Variants in DMBT1 observed in about 807,000 individuals in gnomAD.
DMBT1 encodes the protein scavenger receptor cysteine-rich domain-containing protein DMBT1.
In DMBT1, 198 loss-of-function variants were observed where a neutral mutation model predicts 252.9. That is an observed-to-expected ratio of 0.78 (90% CI 0.70 to 0.88). DMBT1 has a LOEUF of 0.88. Among genes scored for constraint, DMBT1 ranks in the 40% least tolerant of loss-of-function variants. DMBT1 has a pLI of 0.00. For missense variants in DMBT1, 2,432 were observed against 2,404.7 expected (o/e 1.01, Z -0.24); for synonymous variants, 990 against 942.7 (o/e 1.05, Z -0.92).
chr10:122,640,530 C>A lies in DMBT1; in HGVS notation c.7352+81C>A. On this transcript the variant is annotated intron_variant, in intron 55 of 55. Transcript: ENST00000338354. ...AGTAGCCCCAAAGGCTTGAAGAATG[C>A]AAATTTTGATGAACTGCAGTTCCCA... 2.8e-6 allele frequency: 4 copies of A among 1,434,664 alleles called. No homozygotes were observed. The East Asian group carries it at 7.1e-5, about 26-fold the overall frequency. The allele number at this position is 1,434,664 out of a possible 1,614,324, so 88.9% of individuals were successfully genotyped here. A position where few individuals can be genotyped will look rare whatever the true frequency, so the allele number is the denominator to read the frequency against.
rs774316449 is a variant in DMBT1 at position 122,618,147 on chromosome 10, G to C, written c.5022G>C (p.Val1674=). 3.1e-6 allele frequency: 5 copies of C among 1,613,850 alleles called. No homozygotes were observed. The African/African-American group carries it at 4.0e-5, about 13-fold the overall frequency. ...DDYWDTNDAN[V]VCRQLGCGWA... ...ACTGGGACACCAATGATGCCAACGT[G>C]GTCTGCAGGCAGCTGGGCTGTGGCT... Residue 1674 remains valine, a synonymous_variant, in exon 41 of 56, where the codon GTG becomes GTC. Transcript: ENST00000338354.
At position 122,599,895 on chromosome 10, in the gene DMBT1, C is replaced by A. The variant is rs369805730; in HGVS notation, c.3281-169C>A. On this transcript the variant is annotated intron_variant, in intron 26 of 55. Transcript: ENST00000338354. Reference sequence around the variant, plus strand: ...AATAGTGGACAGGATCTGCCTCGACCCCTTACATGGTGCATCTCTGTGGGG... The same window carrying A: ...AATAGTGGACAGGATCTGCCTCGACACCTTACATGGTGCATCTCTGTGGGG... Among the ~76,000 whole-genome samples the A allele has an allele frequency of 1.1e-3, 173 of 152,222 alleles. 2 individuals are homozygous for A. The East Asian group carries it at 0.016, about 14-fold the overall frequency.
In DMBT1 at chr10:122,618,269, G is replaced by A; in HGVS notation, c.5144G>A (p.Trp1715Ter). 6.2e-7 allele frequency: 1 copy of A among 1,613,780 alleles called. No individual in the cohort carries two copies. The highest frequency in any genetic ancestry group is 8.5e-7 in the Non-Finnish European group (1 of 1,179,764). ...TGCTCAGGACACGAGTCTTACCTGTGGAGCTGCCCCCACAATGGCTGGCTC... is the reference window on the plus strand; with the variant it reads ...TGCTCAGGACACGAGTCTTACCTGTAGAGCTGCCCCCACAATGGCTGGCTC... ...VRCSGHESYL[W>*]SCPHNGWLSH... The change falls in exon 41 of 56, where the codon TGG becomes TAG. Residue 1715 changes from tryptophan to a stop codon, truncating the protein, a stop_gained. Transcript: ENST00000338354. LOFTEE classifies it high-confidence loss of function.
Position 122,597,995 on chromosome 10 carries a change from T to G in DMBT1, c.2939T>G (p.Leu980Trp). The change falls in exon 25 of 56, where the codon TTG (leucine) becomes TGG (tryptophan). Residue 980 changes from leucine (L) to tryptophan (W), a missense_variant. This residue lies in a region of DMBT1 where 1,264 missense variants were observed against 1,082.2 expected (regional missense o/e 1.17). Transcript: ENST00000338354. ...ACAGACACATTGCCGACCATCACCT[T>G]GCCTGCATCGACAGTAGGTAAATAT... ...PSPDTLPTITLPASTVGSESS... is the reference protein window; with the variant it reads ...PSPDTLPTITWPASTVGSESS... 6.2e-7 allele frequency: 1 copy of G among 1,613,912 alleles called. No homozygotes were observed. The highest frequency in any genetic ancestry group is 1.1e-5 in the South Asian group (1 of 91,064).
At chr10:122,621,689 G>C (rs940084364) in intron 44 of DMBT1, among the ~76,000 whole-genome samples, 1 of 152,180 alleles carries the variant, frequency 6.6e-6, no homozygotes, top group African/African-American at 2.4e-5. Context: ...AGTAGCACTG[G>C]GTGAGGGTAT....
intron 1 of DMBT1, among the ~76,000 whole-genome samples, chr10:122,565,077 G>A (rs1322118527): frequency 6.6e-6 from 1 of 152,154 alleles, no homozygotes; most frequent in Non-Finnish European, 1.5e-5. Context: ...CTTTGGGCAT[G>A]GAAGAATTAT....
intron 46 of DMBT1, among the ~76,000 whole-genome samples, chr10:122,626,174 G>A (rs1030662247): frequency 1.3e-5 from 2 of 152,156 alleles, no homozygotes; most frequent in African/African-American, 2.4e-5. Context: ...ATTTTGGGGG[G>A]TATCTCCAAA....
At chr10:122,618,746 A>C (rs745766975) in intron 41 of DMBT1, among the ~76,000 whole-genome samples, 4 of 152,252 alleles carry the variant, frequency 2.6e-5, no homozygotes, top group Non-Finnish European at 5.9e-5. Context: ...CTTGTCTGGA[A>C]GTGGGTTCTC....
chr10:122,637,555 C>G (rs534956388), intron 54 of DMBT1, among the ~76,000 whole-genome samples: 1 of 152,308 alleles, frequency 6.6e-6, no homozygotes, highest in African/African-American at 2.4e-5. Context: ...GGGCTTCTGG[C>G]AGACCGCCAC....
chr10:122,642,692 T>G (rs1273917501), intron 55 of DMBT1, among the ~76,000 whole-genome samples: 1 of 152,126 alleles, frequency 6.6e-6, no homozygotes. Flanking sequence ...GAATGAGACC[T>G]TGCCTGGCCC....
At chr10:122,634,683 G>A (rs2098211947) in intron 52 of DMBT1, among the ~76,000 whole-genome samples, 1 of 151,966 alleles carries the variant, frequency 6.6e-6, no homozygotes, top group Non-Finnish European at 1.5e-5. Flanking sequence ...TTTTATTAGA[G>A]ACGGGGTTTC....
chr10:122,631,846 C>T lies in DMBT1; in HGVS notation c.6347-9C>T, dbSNP rs768883255. On this transcript the variant is annotated splice_polypyrimidine_tract_variant and intron_variant, in intron 49 of 55. Coordinates refer to ENST00000338354, the MANE Select transcript of DMBT1 (RefSeq NM_001377530.1). ...TGTGACCTATGCTTTTTTTCTATTCCTTTTTCAGGAAACCATCTATCGACA... is the reference window on the plus strand; with the variant it reads ...TGTGACCTATGCTTTTTTTCTATTCTTTTTTCAGGAAACCATCTATCGACA... 4 of 1,613,664 alleles carry T rather than the reference C, an allele frequency of 2.5e-6. No homozygotes were observed. In the East Asian group the frequency reaches 8.9e-5, roughly 36 times the overall value.
At chr10:122,630,562 T>G in intron 48 of DMBT1, 72 bp downstream of exon 48, 1 of 1,477,320 alleles carries the variant, frequency 6.8e-7, no homozygotes, top group Non-Finnish European at 9.4e-7. Context: ...GGCACCATGG[T>G]TCCCCAAGGA....
In DMBT1 at chr10:122,572,317, C is replaced by T. The variant is rs1234565224; in HGVS notation, c.191C>T (p.Ser64Phe). 1 of 1,613,176 alleles carries T rather than the reference C, an allele frequency of 6.2e-7. No individual in the cohort carries two copies. Among genetic ancestry groups the T allele is most frequent in the Non-Finnish European group, 8.5e-7 (1 of 1,179,400 alleles). ...STLESTVAEG[S>F]PISLESTLES... ...TCTTCCTTTCTCCACCCTGCAGGTT[C>T]TCCGATTTCCTTGGAGTCAACCCTG... The change falls in exon 5 of 56, where the codon TCT becomes TTT. Residue 64 changes from serine (S) to phenylalanine (F), a missense_variant. By Grantham distance (155) the Ser-to-Phe change is radical. This residue lies in a region of DMBT1 where 1,264 missense variants were observed against 1,082.2 expected (regional missense o/e 1.17). Transcript: ENST00000338354.
At position 122,593,519 on chromosome 10, in the gene DMBT1, C is replaced by T. The variant is rs766338688; in HGVS notation, c.2501-50C>T. 5.8e-5 allele frequency: 91 copies of T among 1,576,228 alleles called. 8 individuals are homozygous for T. Among genetic ancestry groups the T allele is most frequent in the East Asian group, 7.1e-5 (3 of 42,488 alleles). On this transcript the variant is annotated intron_variant, in intron 20 of 55. Transcript: ENST00000338354. ...CTTTCCCTCCTCGTTCCAGTTTTGC[C>T]GACTTCTGTGTAATGTTCCTGATCT...
chr10:122,618,120 C>G lies in DMBT1; in HGVS notation c.4995C>G (p.Asp1665Glu), dbSNP rs61622276. ...YQGSWGTVCD[D>E]YWDTNDANVV... ...GCTCCTGGGGCACCGTGTGTGATGA[C>G]TACTGGGACACCAATGATGCCAACG... is the stretch of plus-strand genomic sequence containing the variant. Residue 1665 changes from aspartate (D) to glutamate (E), a missense_variant, in exon 41 of 56, where the codon GAC becomes GAG. Around this residue, in one of 3 missense-constraint regions of DMBT1, gnomAD observed 1,162 missense variants for 1,169.0 expected, o/e 0.99. Transcript: ENST00000338354. 2 of 1,613,948 alleles carry G rather than the reference C, an allele frequency of 1.2e-6. No individual in the cohort carries two copies. The highest frequency in any genetic ancestry group is 3.3e-5 in the Admixed American group (2 of 60,026).
chr10:122,589,333 G>T, intron 17 of DMBT1, 66 bp downstream of exon 17: 1 of 1,575,122 alleles, frequency 6.3e-7, no homozygotes, highest in Admixed American at 1.7e-5. Context: ...GAGGTCTTAT[G>T]TTCTAATCTC....
rs1471747958 is a variant in DMBT1, at chr10:122,633,408, T to A, written c.6548+67T>A. The stretch of plus-strand genomic sequence containing the variant: ...CTTTCAAGAGGGAATAAATGGTGCT[T>A]AAGTGTGCGCCCAGAAGAATGCCTT... On this transcript the variant is annotated intron_variant, in intron 52 of 55. Transcript: ENST00000338354. 5.7e-6 allele frequency: 9 copies of A among 1,586,536 alleles called. No homozygotes were observed. The East Asian group carries it at 2.0e-4, about 36-fold the overall frequency.
chr10:122,617,885 A>AGCAGTT, intron 40 of DMBT1, 132 bp from the exon 41 acceptor site: 1 of 1,464,116 alleles, frequency 6.8e-7, no homozygotes, highest in Non-Finnish European at 9.3e-7. Flanking sequence ...AACCTCCGGT[A>AGCAGTT]GCAGTTGTAT....
Sources: allele counts gnomAD v4.1 joint callset (sites outside exome capture counted in the v4.1 genomes callset), GRCh38; gene constraint gnomAD v4.1.1; regional missense constraint gnomAD v4.1.1; transcripts MANE v1.5; gene names NCBI Gene and HGNC (gene_info 2026-07-23, HGNC 2026-07-21).